Variants in SLC2A8 observed in about 807,000 individuals in gnomAD.
SLC2A8 encodes solute carrier family 2 member 8.
Under a neutral mutation model 49.2 loss-of-function variants are expected in SLC2A8, and 53 were observed. That is an observed-to-expected ratio of 1.08 (90% CI 0.86 to 1.35). The LOEUF is 1.35. Ranked by LOEUF, SLC2A8 falls within the 40% of genes most tolerant of loss-of-function variation. The pLI is 0.00. For synonymous variants in SLC2A8, 299 were observed against 297.0 expected (o/e 1.01, Z -0.07); for missense variants, 688 against 671.7 (o/e 1.02, Z -0.27).
chr9:127,401,827 T>C (rs1417064009), intron 4 of SLC2A8, among the ~76,000 whole-genome samples: 1 of 152,152 alleles, frequency 6.6e-6, no homozygotes, highest in Non-Finnish European at 1.5e-5. Flanking sequence ...ATGGCTACCT[T>C]AGAGGTATTT....
In SLC2A8 at chr9:127,407,829, C is replaced by T. The variant is rs1467339844; in HGVS notation, c.*580C>T. On this transcript the variant is annotated 3_prime_UTR_variant, in exon 10 of 10. Transcript: ENST00000373371. ...CTTCCTTGGGCTCAGTTCCCTGGGTCATCAGCCATCAAATCTTGTTGAGTT... is the reference window on the plus strand; with the variant it reads ...CTTCCTTGGGCTCAGTTCCCTGGGTTATCAGCCATCAAATCTTGTTGAGTT... 6.7e-6 allele frequency: 1 copy of T among 148,264 alleles called. No homozygotes were observed. Among genetic ancestry groups the T allele is most frequent in the East Asian group, 2.0e-4 (1 of 5,106 alleles). 9.2% of individuals were successfully genotyped at this position (148,264 alleles called of 1,614,324 possible). A position where few individuals can be genotyped will look rare whatever the true frequency, so the allele number is the denominator to read the frequency against.
intron 7 of SLC2A8, chr9:127,404,319 G>A (rs1399579261): frequency 4.7e-6 from 2 of 421,670 alleles, no homozygotes; most frequent in South Asian, 3.7e-5. Flanking sequence ...AGCTTATGAC[G>A]GGAAAACTGA....
At chr9:127,404,487 T>C in intron 7 of SLC2A8, 1 of 333,634 alleles carries the variant, frequency 3.0e-6, no homozygotes, top group Non-Finnish European at 5.5e-6. Flanking sequence ...CGTGAGGCCT[T>C]CAGCAAGAGC....
chr9:127,403,722 C>A lies in SLC2A8; in HGVS notation c.786C>A (p.Ser262=). ...ACAAGCCCTTCATCATCGGCGTCTC[C>A]CTGATGGCCTTCCAGCAGCTGTCGG... ...GIYKPFIIGV[S]LMAFQQLSGV... Residue 262 remains serine, a synonymous_variant, in exon 6 of 10, where the codon TCC becomes TCA. Transcript: ENST00000373371. 6.2e-7 allele frequency: 1 copy of A among 1,613,134 alleles called. No homozygotes were observed. The highest frequency in any genetic ancestry group is 8.5e-7 in the Non-Finnish European group (1 of 1,179,954).
chr9:127,403,121 A>C, intron 5 of SLC2A8, among the ~76,000 whole-genome samples: 1 of 152,178 alleles, frequency 6.6e-6, no homozygotes, highest in East Asian at 1.9e-4. Flanking sequence ...TCACCCAGGC[A>C]TGGGTTTGAA....
At position 127,404,038 on chromosome 9, in the gene SLC2A8, C is replaced by T; in HGVS notation, c.947C>T (p.Ala316Val). The stretch of plus-strand genomic sequence containing the variant: ...GTGGCGGCTCTCATCATGGACAGAG[C>T]AGGGCGGAGGCTGCTCCTGGTCTTG... ...TAVAALIMDR[A>V]GRRLLLVLSG... Residue 316 changes from alanine to valine, a missense_variant, in exon 7 of 10, where the codon GCA becomes GTA. By Grantham distance (64) the Ala-to-Val change is moderately conservative. Coordinates refer to ENST00000373371, the MANE Select transcript of SLC2A8 (RefSeq NM_014580.5). 2 of 1,602,122 alleles carry T rather than the reference C, an allele frequency of 1.2e-6. No homozygotes were observed. Among genetic ancestry groups the T allele is most frequent in the Non-Finnish European group, 1.7e-6 (2 of 1,171,444 alleles).
chr9:127,405,605 G>A (rs771396473), intron 9 of SLC2A8, 40 bp downstream of exon 9: 2 of 1,609,980 alleles, frequency 1.2e-6, no homozygotes, highest in East Asian at 4.5e-5. Flanking sequence ...CGTGCAGTCA[G>A]CCGAGAAGCA....
Position 127,402,574 on chromosome 9 carries a change from C to T in SLC2A8, c.544C>T (p.Arg182Cys), listed in dbSNP as rs1589007710. ...AYLAGWVLEW[R>C]WLAVLGCVPP... is the part of the protein sequence containing the mutation. ...CCCCGCAGGCTGGGTGCTGGAGTGGCGCTGGCTGGCTGTGCTGGGCTGCGT... is the reference window on the plus strand; with the variant it reads ...CCCCGCAGGCTGGGTGCTGGAGTGGTGCTGGCTGGCTGTGCTGGGCTGCGT... Residue 182 changes from arginine (R) to cysteine (C), a missense_variant, in exon 5 of 10, where the codon CGC (arginine) becomes TGC (cysteine). Physicochemically the swap from Arg to Cys is radical, Grantham distance 180. Coordinates refer to ENST00000373371, the MANE Select transcript of SLC2A8 (RefSeq NM_014580.5). 5.1e-6 allele frequency: 8 copies of T among 1,573,152 alleles called. No individual in the cohort carries two copies. Among genetic ancestry groups the T allele is most frequent in the South Asian group, 3.5e-5 (3 of 86,062 alleles).
chr9:127,401,280 A>G (rs1833277133), intron 4 of SLC2A8, among the ~76,000 whole-genome samples: 2 of 152,194 alleles, frequency 1.3e-5, no homozygotes, highest in South Asian at 2.1e-4. Context: ...TGACACATGA[A>G]AAGTGCCTAA....
chr9:127,398,335 G>T, intron 3 of SLC2A8: 1 of 779,168 alleles, frequency 1.3e-6, no homozygotes, highest in South Asian at 1.4e-5. Context: ...TCTCGGAAAG[G>T]TGAAGTCCTT....
chr9:127,402,516 C>A, intron 4 of SLC2A8, 41 bp from the exon 5 acceptor site: 2 of 1,477,238 alleles, frequency 1.4e-6, no homozygotes, highest in African/African-American at 1.4e-5. Flanking sequence ...GGCTGGCTCA[C>A]CCTGGCTCTG....
At position 127,407,288 on chromosome 9, in the gene SLC2A8, A is replaced by T; in HGVS notation, c.*39A>T. 5 of 1,611,168 alleles carry T rather than the reference A, an allele frequency of 3.1e-6. No homozygotes were observed. The highest frequency in any genetic ancestry group is 4.2e-6 in the Non-Finnish European group (5 of 1,178,830). ...GGGGATGGAGCAAGCCTGTGACTCCAAGCTGGGCCCAAGCCCAGAGCCCCT... is the reference window on the plus strand; with the variant it reads ...GGGGATGGAGCAAGCCTGTGACTCCTAGCTGGGCCCAAGCCCAGAGCCCCT... On this transcript the variant is annotated 3_prime_UTR_variant, in exon 10 of 10. Transcript: ENST00000373371.
At chr9:127,403,301 G>A (rs1833362404) in intron 5 of SLC2A8, 10 of 321,512 alleles carry the variant, frequency 3.1e-5, no homozygotes. Flanking sequence ...GGTTCAGTGG[G>A]GAGGGGAGGG....
In SLC2A8 at chr9:127,403,690, G is replaced by A. The variant is rs149746079; in HGVS notation, c.754G>A (p.Gly252Ser). Residue 252 changes from glycine to serine, a missense_variant, in exon 6 of 10, where the codon GGC becomes AGC. Physicochemically the swap from Gly to Ser is moderately conservative, Grantham distance 56. Coordinates refer to ENST00000373371, the MANE Select transcript of SLC2A8 (RefSeq NM_014580.5). ...SFHLALLRQP[G>S]IYKPFIIGVS... ...TCACCTGGCCCTGCTGCGGCAGCCC[G>A]GCATCTACAAGCCCTTCATCATCGG... The A allele has an allele frequency of 8.7e-5, 140 of 1,612,878 alleles. No homozygotes were observed. The highest frequency in any genetic ancestry group is 1.6e-4 in the African/African-American group (12 of 74,916).
Position 127,402,609 on chromosome 9 carries a change from C to T in SLC2A8, c.579C>T (p.Ser193=). Residue 193 remains serine (S), a synonymous_variant, in exon 5 of 10, where the codon TCC becomes TCT. Coordinates refer to ENST00000373371, the MANE Select transcript of SLC2A8 (RefSeq NM_014580.5). ...WLAVLGCVPP[S]LMLLLMCFMP... is the part of the protein sequence containing the mutation. ...CTGTGCTGGGCTGCGTGCCCCCCTC[C>T]CTCATGCTGCTTCTCATGTGCTTCA... 6.3e-7 allele frequency: 1 copy of T among 1,596,268 alleles called. No individual in the cohort carries two copies. Among genetic ancestry groups the T allele is most frequent in the East Asian group, 2.3e-5 (1 of 44,342 alleles).
In SLC2A8 at chr9:127,407,321, C is replaced by G; in HGVS notation, c.*72C>G. On this transcript the variant is annotated 3_prime_UTR_variant, in exon 10 of 10. Transcript: ENST00000373371. ...CCCAAGCCCAGAGCCCCTGCCTGCC[C>G]CAGGGGAGCCAGAATCCAGCCCCTT... The G allele has an allele frequency of 6.4e-7, 1 of 1,571,328 alleles. No homozygotes were observed. The highest frequency in any genetic ancestry group is 1.3e-5 in the African/African-American group (1 of 74,118).
chr9:127,407,025 C>T (rs929842173), intron 9 of SLC2A8, 87 bp from the exon 10 acceptor site: 2 of 1,488,776 alleles, frequency 1.3e-6, no homozygotes, highest in Admixed American at 3.5e-5. Context: ...GGGGACTGGA[C>T]CCCCTGGTGG....
At chr9:127,404,565 G>A (rs978537265) in intron 7 of SLC2A8, 17 of 499,908 alleles carry the variant, frequency 3.4e-5, no homozygotes, top group Admixed American at 7.1e-5. Context: ...AGGGTTACTC[G>A]CTGCTGCTTC....
intron 3 of SLC2A8, 128 bp downstream of exon 3, chr9:127,398,239 C>A: frequency 1.0e-6 from 1 of 975,280 alleles, no homozygotes; most frequent in Admixed American, 1.7e-5. Flanking sequence ...GGCTTGAAGT[C>A]CCTGCGTTAT....
Sources: allele counts gnomAD v4.1 joint callset (sites outside exome capture counted in the v4.1 genomes callset), GRCh38; gene constraint gnomAD v4.1.1; transcripts MANE v1.5; gene names NCBI Gene and HGNC (gene_info 2026-07-23, HGNC 2026-07-21).